Variants in DNAH11 observed in about 807,000 individuals in gnomAD.
The protein encoded by DNAH11 is axonemal beta dynein heavy chain 11.
A neutral mutation model predicts 526.0 loss-of-function variants in DNAH11; 442 were observed. The ratio of observed to expected loss-of-function variants is 0.84; its 90% CI spans 0.78 to 0.91. The LOEUF (loss-of-function observed/expected upper bound fraction) is 0.91, where lower values mean the gene tolerates loss of function less well. DNAH11 is among the 40% of genes least tolerant of loss of function. The pLI is 0.00. For synonymous variants in DNAH11, 2,461 were observed against 1,935.9 expected, an observed-to-expected ratio of 1.27 and a Z score of -7.12; for missense variants, 6,989 against 5,448.7, an observed-to-expected ratio of 1.28 and a Z score of -8.90.
intron 65 of DNAH11, among the ~76,000 whole-genome samples, chr7:21,834,071 A>C (rs1327692286): frequency 2.6e-5 from 4 of 152,212 alleles, no homozygotes; most frequent in Admixed American, 2.6e-4. Flanking sequence ...CAGCAAATGC[A>C]ATTTTCTCCA....
At chr7:21,675,727 C>G (rs1025079324) in intron 30 of DNAH11, among the ~76,000 whole-genome samples, 1 of 152,054 alleles carries the variant, frequency 6.6e-6, no homozygotes, top group Non-Finnish European at 1.5e-5. Flanking sequence ...TTATGCTGGC[C>G]GCTATGCTAA....
chr7:21,900,858 A>C (rs925943849), intron 81 of DNAH11, 149 bp from the exon 82 acceptor site: 33 of 1,324,662 alleles, frequency 2.5e-5, no homozygotes, highest in Middle Eastern at 2.7e-4. Context: ...TTCAAAGCTC[A>C]GTCCGGCCAG....
intron 28 of DNAH11, among the ~76,000 whole-genome samples, chr7:21,641,558 A>C (rs1392699789): frequency 1.3e-5 from 2 of 152,202 alleles, no homozygotes; most frequent in Admixed American, 1.3e-4. Context: ...CACTCAATGA[A>C]TTCTTGTCAC....
intron 65 of DNAH11, among the ~76,000 whole-genome samples, chr7:21,834,087 G>C (rs1434377588): frequency 6.6e-6 from 1 of 152,140 alleles, no homozygotes; most frequent in Non-Finnish European, 1.5e-5. Context: ...CTCCAGGATA[G>C]GACATATGTT....
Position 21,725,827 on chromosome 7 carries a change from C to T in DNAH11, c.7283C>T (p.Ala2428Val). ...TCTCCTTAGATTTCTGATTATCAAGCTGACTTCAGTCGGTGGTGGCAGAAA... is the reference window on the plus strand; with the variant it reads ...TCTCCTTAGATTTCTGATTATCAAGTTGACTTCAGTCGGTGGTGGCAGAAA... ...LLQDQISDYQADFSRWWQKEM... is the reference protein window; with the variant it reads ...LLQDQISDYQVDFSRWWQKEM... Residue 2428 changes from alanine (A) to valine (V), a missense_variant, in exon 45 of 82, where the codon GCT (alanine) becomes GTT (valine). By Grantham distance (64) the Ala-to-Val change is moderately conservative. Coordinates refer to ENST00000409508, the MANE Select transcript of DNAH11 (RefSeq NM_001277115.2). 1 of 1,611,502 alleles carries T rather than the reference C, an allele frequency of 6.2e-7. No homozygotes were observed. Among genetic ancestry groups the T allele is most frequent in the East Asian group, 2.2e-5 (1 of 44,866 alleles).
rs72658834 is a variant in DNAH11, at chr7:21,900,080, G to C, written c.13263G>C (p.Pro4421=). The C allele has an allele frequency of 0.011, 18,142 of 1,613,828 alleles. 166 individuals are homozygous for C. The highest frequency in any genetic ancestry group is 0.012 in the Non-Finnish European group (14,462 of 1,179,814). The change falls in exon 81 of 82, where the codon CCG becomes CCC. Residue 4421 remains proline (P), a synonymous_variant. Coordinates refer to ENST00000409508, the MANE Select transcript of DNAH11 (RefSeq NM_001277115.2). ...AAACAAAGGAAGATTATGGACACCC[G>C]CCAAGGGAAGGTGCATACCTCCACG... is the stretch of plus-strand genomic sequence containing the variant. The part of the protein sequence containing the change: ...TKKTKEDYGH[P]PREGAYLHGL...
At chr7:21,859,168 T>G (rs1782962790) in intron 68 of DNAH11, among the ~76,000 whole-genome samples, 1 of 152,120 alleles carries the variant, frequency 6.6e-6, no homozygotes, top group African/African-American at 2.4e-5. Context: ...GACTGGAATG[T>G]AGTGGTGCAA....
intron 56 of DNAH11, among the ~76,000 whole-genome samples, chr7:21,776,278 T>C (rs534692227): frequency 9.8e-5 from 15 of 152,330 alleles, no homozygotes; most frequent in African/African-American, 3.4e-4. Context: ...GTGATTTCTT[T>C]TCATTAGGTA....
Position 21,801,020 on chromosome 7 carries a change from G to C in DNAH11, c.10027-117G>C, listed in dbSNP as rs565145600. Reference sequence around the variant, plus strand: ...AAAATACGTATGGTAAAGGGGCAAAGGTTAATGGGGGGAAGAGGTTTGTCC... The same window carrying C: ...AAAATACGTATGGTAAAGGGGCAAACGTTAATGGGGGGAAGAGGTTTGTCC... On this transcript the variant is annotated intron_variant, in intron 61 of 81. Transcript: ENST00000409508. 44 of 1,101,152 alleles carry C rather than the reference G, an allele frequency of 4.0e-5. No individual in the cohort carries two copies. The South Asian group carries it at 6.1e-4, about 15-fold the overall frequency. The allele number at this position is 1,101,152 out of a possible 1,614,324, so 68.2% of individuals were successfully genotyped here.
At chr7:21,893,297 C>T (rs1295771638) in intron 77 of DNAH11, among the ~76,000 whole-genome samples, 1 of 152,218 alleles carries the variant, frequency 6.6e-6, no homozygotes, top group East Asian at 1.9e-4. Flanking sequence ...ACTTTCCCAC[C>T]AGCAGTGCGT....
Position 21,616,260 on chromosome 7 carries a change from C to A in DNAH11, c.4063C>A (p.Gln1355Lys), listed in dbSNP as rs1322124129. The change falls in exon 22 of 82, where the codon CAG (glutamine) becomes AAG (lysine). Residue 1355 changes from glutamine to lysine, a missense_variant. Physicochemically the swap from Gln to Lys is moderately conservative, Grantham distance 53. Transcript: ENST00000409508. Reference protein sequence around the residue: ...KTQWRQIHVEQMDVELRRFAK... With the variant: ...KTQWRQIHVEKMDVELRRFAK... The stretch of plus-strand genomic sequence containing the variant: ...CCAGTGGAGACAGATTCATGTGGAA[C>A]AGATGGATGTAGAACTCAGAAGGTT... 6.2e-7 allele frequency: 1 copy of A among 1,613,432 alleles called. No homozygotes were observed.
chr7:21,860,050 G>C (rs920218941), intron 68 of DNAH11, among the ~76,000 whole-genome samples: 1 of 152,178 alleles, frequency 6.6e-6, no homozygotes, highest in Non-Finnish European at 1.5e-5. Flanking sequence ...ACACATGCCT[G>C]TGGTCTCAGC....
At chr7:21,755,977 A>G (rs1562527996) in intron 54 of DNAH11, among the ~76,000 whole-genome samples, 2 of 152,094 alleles carry the variant, frequency 1.3e-5, no homozygotes, top group Non-Finnish European at 2.9e-5. Flanking sequence ...TATGTCCAGA[A>G]TGTTCTGGTT....
At chr7:21,575,165 C>G (rs1270640634) in intron 8 of DNAH11, among the ~76,000 whole-genome samples, 2 of 152,144 alleles carry the variant, frequency 1.3e-5, no homozygotes, top group Non-Finnish European at 2.9e-5. Context: ...GCATGAGCCA[C>G]CATGCCCAGC....
chr7:21,555,009 C>T (rs1783161272), intron 2 of DNAH11, among the ~76,000 whole-genome samples: 2 of 152,180 alleles, frequency 1.3e-5, no homozygotes, highest in South Asian at 4.1e-4. Flanking sequence ...TTGTGAGACA[C>T]ATGGAGGGGG....
intron 73 of DNAH11, among the ~76,000 whole-genome samples, chr7:21,871,213 C>A (rs891358567): frequency 2.0e-5 from 3 of 152,200 alleles, no homozygotes; most frequent in African/African-American, 7.2e-5. Flanking sequence ...CTATCTTTAT[C>A]TCACATGCAC....
intron 11 of DNAH11, among the ~76,000 whole-genome samples, chr7:21,588,970 T>C (rs1784575321): frequency 6.6e-6 from 1 of 152,220 alleles, no homozygotes; most frequent in Admixed American, 6.5e-5. Flanking sequence ...TTTTCTTCTC[T>C]TCCTAGGAGC....
rs1188195580 is a variant in DNAH11 at position 21,787,425 on chromosome 7, A to G, written c.9766A>G (p.Ile3256Val). The G allele has an allele frequency of 4.3e-6, 7 of 1,609,300 alleles. No individual in the cohort carries two copies. The highest frequency in any genetic ancestry group is 4.5e-5 in the East Asian group (2 of 44,710). ...GKVDDFLQAL[I>V]NYDKEHIPEN... The stretch of plus-strand genomic sequence containing the variant: ...GGTTGATGATTTTTTGCAAGCATTA[A>G]TTAACTATGACAAAGAGCACATTCC... Residue 3256 changes from isoleucine (I) to valine (V), a missense_variant, in exon 60 of 82, where the codon ATT becomes GTT. Ile to Val is a conservative substitution (Grantham distance 29). Transcript: ENST00000409508.
Position 21,773,824 on chromosome 7 carries a change from A to G in DNAH11, c.9161A>G (p.Glu3054Gly), listed in dbSNP as rs1471504702. The G allele has an allele frequency of 6.2e-7, 1 of 1,608,836 alleles. No individual in the cohort carries two copies. Among genetic ancestry groups the G allele is most frequent in the African/African-American group, 1.3e-5 (1 of 74,860 alleles). The change falls in exon 56 of 82, where the codon GAA (glutamate) becomes GGA (glycine). Residue 3054 changes from glutamate to glycine, a missense_variant. Glu to Gly is a moderately conservative substitution (Grantham distance 98). Transcript: ENST00000409508. ...FMAHVHTTVNEMSTRYYQNER... is the reference protein window; with the variant it reads ...FMAHVHTTVNGMSTRYYQNER... Reference sequence around the variant, plus strand: ...GCACATGTTCACACCACTGTAAATGAAATGAGTACCAGATATTACCAGAAT... The same window carrying G: ...GCACATGTTCACACCACTGTAAATGGAATGAGTACCAGATATTACCAGAAT...
Sources: gnomAD v4.1 joint callset for allele counts (sites outside exome capture counted in the v4.1 genomes callset) on GRCh38, gnomAD v4.1.1 for gene constraint, MANE v1.5 for transcripts, NCBI Gene and HGNC (gene_info 2026-07-23, HGNC 2026-07-21) for gene names.